GLCCI1: variants seen among roughly 807,000 people sequenced by gnomAD.
The protein encoded by GLCCI1 is glucocorticoid induced 1, also known as glucocorticoid-induced transcript 1 protein.
A neutral mutation model predicts 52.2 loss-of-function variants in GLCCI1; 24 were observed. The observed-to-expected ratio is 0.46, with a 90% CI of 0.33 to 0.65. GLCCI1 has a LOEUF of 0.65. Among genes scored for constraint, GLCCI1 ranks in the 30% least tolerant of loss-of-function variants. The probability of loss-of-function intolerance (pLI) is 0.02; values close to 1 mark genes in which losing one functional copy is unlikely to be tolerated. For missense variants in GLCCI1, 704 were observed against 701.5 expected, an observed-to-expected ratio of 1.00 and a Z score of -0.04; for synonymous variants, 310 against 276.5, an observed-to-expected ratio of 1.12 and a Z score of -1.20.
At chr7:8,085,835 G>A (rs1562455594) in intron 7 of GLCCI1, among the ~76,000 whole-genome samples, 1 of 152,166 alleles carries the variant, frequency 6.6e-6, no homozygotes, top group Non-Finnish European at 1.5e-5. Context: ...AATGCCCCCT[G>A]CCTCTGGTAT....
chr7:8,023,398 A>G (rs370119025), intron 3 of GLCCI1, among the ~76,000 whole-genome samples: 2 of 151,858 alleles, frequency 1.3e-5, no homozygotes, highest in East Asian at 3.9e-4. Context: ...CCGTTTCCTT[A>G]TTTATTATGA....
chr7:8,050,926 A>C (rs1465619607), intron 3 of GLCCI1, among the ~76,000 whole-genome samples: 2 of 152,248 alleles, frequency 1.3e-5, no homozygotes, highest in Non-Finnish European at 2.9e-5. Flanking sequence ...TAAATGAGAT[A>C]ATTCATATAA....
At chr7:8,072,046 G>A (rs1481132354) in intron 6 of GLCCI1, among the ~76,000 whole-genome samples, 1 of 152,102 alleles carries the variant, frequency 6.6e-6, no homozygotes, top group Non-Finnish European at 1.5e-5. Context: ...ACATATGTGT[G>A]TGCTCCTGAA....
Position 8,060,245 on chromosome 7 carries a change from C to T in GLCCI1, c.963C>T (p.Ser321=). The T allele has an allele frequency of 1.2e-6, 2 of 1,608,288 alleles. No homozygotes were observed. The highest frequency in any genetic ancestry group is 1.7e-6 in the Non-Finnish European group (2 of 1,175,382). The part of the protein sequence containing the change: ...IKENNGKEEV[S]KPLDIPDGRR... The stretch of plus-strand genomic sequence containing the variant: ...AAAATAATGGGAAGGAAGAAGTATC[C>T]AAGGTAAGGTTACATGGGATATTTG... The change falls in exon 5 of 8, where the codon TCC becomes TCT. Residue 321 remains serine (S), a synonymous_variant. Coordinates refer to ENST00000223145, the MANE Select transcript of GLCCI1 (RefSeq NM_138426.4).
chr7:8,003,816 T>C, intron 1 of GLCCI1, 92 bp from the exon 2 acceptor site: 1 of 1,142,700 alleles, frequency 8.8e-7, no homozygotes, highest in Non-Finnish European at 1.2e-6. Flanking sequence ...CAGGAAAAAT[T>C]GACAGGATGA....
chr7:7,988,586 C>A (rs1245509117), intron 1 of GLCCI1, among the ~76,000 whole-genome samples: 1 of 151,858 alleles, frequency 6.6e-6, no homozygotes, highest in Non-Finnish European at 1.5e-5. Flanking sequence ...GGGGTAGATA[C>A]GACTTTTGAA....
rs967801914 is a variant in GLCCI1 at position 8,087,737 on chromosome 7, T to G, written c.*1199T>G. 1 of 88,346 alleles carries G rather than the reference T, an allele frequency of 1.1e-5. No individual in the cohort carries two copies. The highest frequency in any genetic ancestry group is 2.2e-5 in the Non-Finnish European group (1 of 45,546). The allele number at this position is 88,346 out of a possible 1,614,324, so 5.5% of individuals were successfully genotyped here. A position where few individuals can be genotyped will look rare whatever the true frequency, so the allele number is the denominator to read the frequency against. ...CAGAATTGATGCAACATAAGCAGGT[T>G]TTTTTGGTGACTTACAAGAGCAATA... On this transcript the variant is annotated 3_prime_UTR_variant, in exon 8 of 8. Transcript: ENST00000223145.
chr7:8,024,461 C>G (rs917684703), intron 3 of GLCCI1, among the ~76,000 whole-genome samples: 2 of 152,150 alleles, frequency 1.3e-5, no homozygotes, highest in East Asian at 3.8e-4. Context: ...GTATTTTTAT[C>G]TCAGAGTTGA....
At position 8,086,954 on chromosome 7, in the gene GLCCI1, T is replaced by A. The variant is rs935662033; in HGVS notation, c.*416T>A. ...GTTTACAATTGATCCAGGTGTTTGTTTCTAACTTCTGTAATACATACAATG... is the reference window on the plus strand; with the variant it reads ...GTTTACAATTGATCCAGGTGTTTGTATCTAACTTCTGTAATACATACAATG... On this transcript the variant is annotated 3_prime_UTR_variant, in exon 8 of 8. Coordinates refer to ENST00000223145, the MANE Select transcript of GLCCI1 (RefSeq NM_138426.4). This position sits in a 1 kb window ranked among gnomAD's most constrained non-coding sequence, Gnocchi z 4.4. 1 of 153,916 alleles carries A rather than the reference T, an allele frequency of 6.5e-6. No homozygotes were observed. Among genetic ancestry groups the A allele is most frequent in the Admixed American group, 6.5e-5 (1 of 15,392 alleles). 9.5% of individuals were successfully genotyped at this position (153,916 alleles called of 1,614,324 possible). A position where few individuals can be genotyped will look rare whatever the true frequency, so the allele number is the denominator to read the frequency against.
intron 2 of GLCCI1, among the ~76,000 whole-genome samples, chr7:8,013,034 T>C (rs532305914): frequency 6.7e-4 from 102 of 152,314 alleles, no homozygotes; most frequent in African/African-American, 2.4e-3. Context: ...GCTGTCCTTT[T>C]CCCATTGAAT....
intron 3 of GLCCI1, among the ~76,000 whole-genome samples, chr7:8,035,959 C>A (rs1781857695): frequency 6.6e-6 from 1 of 152,176 alleles, no homozygotes; most frequent in Non-Finnish European, 1.5e-5. Context: ...AGCTTTGTCC[C>A]CATCAGGGGC....
chr7:8,038,140 G>A (rs1781909994), intron 3 of GLCCI1, among the ~76,000 whole-genome samples: 1 of 152,060 alleles, frequency 6.6e-6, no homozygotes, highest in South Asian at 2.1e-4. Context: ...GATGACAAAA[G>A]CAAATGGACA....
intron 3 of GLCCI1, among the ~76,000 whole-genome samples, chr7:8,027,349 G>A (rs866577965): frequency 1.3e-5 from 2 of 152,218 alleles, no homozygotes; most frequent in Middle Eastern, 6.8e-3. Context: ...TTAGCTGGTT[G>A]TCGTGGCACA....
At chr7:8,020,215 A>T (rs936812181) in intron 2 of GLCCI1, among the ~76,000 whole-genome samples, 1 of 152,112 alleles carries the variant, frequency 6.6e-6, no homozygotes, top group Non-Finnish European at 1.5e-5. Flanking sequence ...AAACATACAC[A>T]TTAGCCTAGG....
At chr7:8,065,962 T>G (rs1782622076) in intron 5 of GLCCI1, among the ~76,000 whole-genome samples, 1 of 152,190 alleles carries the variant, frequency 6.6e-6, no homozygotes, top group Admixed American at 6.5e-5. Flanking sequence ...TTTGAATAGT[T>G]TCAGTAGGAA....
At chr7:8,042,134 C>G (rs1171568054) in intron 3 of GLCCI1, among the ~76,000 whole-genome samples, 1 of 152,048 alleles carries the variant, frequency 6.6e-6, no homozygotes, top group East Asian at 1.9e-4. Flanking sequence ...GCCTGGTCAC[C>G]CAAAAGCTCC....
chr7:8,005,709 C>T (rs1394601583), intron 2 of GLCCI1, among the ~76,000 whole-genome samples: 1 of 152,058 alleles, frequency 6.6e-6, no homozygotes, highest in Non-Finnish European at 1.5e-5. Context: ...GGTAGCTATT[C>T]TTTTTAGATT....
intron 3 of GLCCI1, among the ~76,000 whole-genome samples, chr7:8,033,476 G>A (rs767285237): frequency 1.3e-5 from 2 of 151,912 alleles, no homozygotes; most frequent in African/African-American, 2.4e-5. Flanking sequence ...TTTATTCACC[G>A]AAGACATAAT....
intron 2 of GLCCI1, among the ~76,000 whole-genome samples, chr7:8,016,212 G>A (rs1781375005): frequency 6.6e-6 from 1 of 152,242 alleles, no homozygotes; most frequent in South Asian, 2.1e-4. Flanking sequence ...GCTTACGCCT[G>A]TAATCCCAGC....
Sources: allele counts gnomAD v4.1 joint callset (sites outside exome capture counted in the v4.1 genomes callset), GRCh38; gene constraint gnomAD v4.1.1; non-coding constraint Gnocchi (gnomAD v3.1); transcripts MANE v1.5; gene names NCBI Gene and HGNC (gene_info 2026-07-23, HGNC 2026-07-21).